Variants in HEMGN observed in about 807,000 individuals in gnomAD.
HEMGN encodes hemogen, also known as erythroid differentiation-associated gene protein.
Under a neutral mutation model 45.7 loss-of-function variants are expected in HEMGN, and 32 were observed. That is an observed-to-expected ratio of 0.70 (90% CI 0.53 to 0.94). The LOEUF is 0.94. Ranked by LOEUF, HEMGN falls within the 40% of genes least tolerant of loss-of-function variation. The pLI, the probability that HEMGN is intolerant of heterozygous loss-of-function variation, is 0.00. For synonymous variants in HEMGN, 183 were observed against 178.6 expected, an observed-to-expected ratio of 1.02 and a Z score of -0.20; for missense variants, 530 against 564.2, an observed-to-expected ratio of 0.94 and a Z score of 0.61.
intron 1 of HEMGN, among the ~76,000 whole-genome samples, chr9:97,944,261 A>G (rs1827191921): frequency 5.3e-5 from 8 of 152,196 alleles, no homozygotes; most frequent in Admixed American, 2.0e-4. Flanking sequence ...ACTAAAAGCA[A>G]ATATATGTTC....
upstream of HEMGN, among the ~76,000 whole-genome samples, chr9:97,941,116 A>G (rs944826274): frequency 5.3e-5 from 8 of 152,160 alleles, no homozygotes; most frequent in African/African-American, 1.9e-4. Context: ...CTTTGGAGAA[A>G]ACTGAGCTGG....
At chr9:97,937,894 T>A (rs1349319724) in intron 1 of HEMGN, among the ~76,000 whole-genome samples, 164 bp downstream of exon 1, 1 of 152,092 alleles carries the variant, frequency 6.6e-6, no homozygotes, top group Non-Finnish European at 1.5e-5. Context: ...ATGAATCCAC[T>A]TGTTTTACCA....
chr9:97,936,387 C>A, intron 1 of HEMGN, 123 bp from the exon 2 acceptor site: 1 of 679,602 alleles, frequency 1.5e-6, no homozygotes. Flanking sequence ...AGGACAAGGA[C>A]TGCATCTCAT....
upstream of HEMGN, chr9:97,938,173 TC>T (rs755376327): frequency 2.2e-6 from 3 of 1,357,788 alleles, no homozygotes; most frequent in South Asian, 3.6e-5. Flanking sequence ...TGGTCTGACT[TC>T]CACAAGCAGC....
At chr9:97,934,982 A>G (rs1464118883) in intron 2 of HEMGN, among the ~76,000 whole-genome samples, 1 of 152,186 alleles carries the variant, frequency 6.6e-6, no homozygotes, top group Non-Finnish European at 1.5e-5. Flanking sequence ...AGAGCTGCGC[A>G]AGGCTGGTGT....
chr9:97,930,571 TC>T lies in HEMGN; in HGVS notation c.823del (p.Asp275ThrfsTer17). The part of the protein sequence containing the change: ...DVPKGYILDT[D>X]QNPAEPEEYN... ...TTCCTCTGGTTCTGCTGGATTTTGG[TC>T]TGTGTCAAGAATATAGCCTTTAGGC... On this transcript the variant is annotated frameshift_variant, in exon 3 of 4. Coordinates refer to ENST00000616898, the MANE Select transcript of HEMGN (RefSeq NM_197978.3). LOFTEE classifies it high-confidence loss of function. 3 of 1,614,202 alleles carry T rather than the reference TC, an allele frequency of 1.9e-6. No homozygotes were observed. The South Asian group carries it at 3.3e-5, about 18-fold the overall frequency.
In HEMGN at chr9:97,928,048, C is replaced by A. The variant is rs894965334; in HGVS notation, c.1361-570G>T. Among the ~76,000 whole-genome samples the A allele has an allele frequency of 5.0e-5, 7 of 140,162 alleles. No individual in the cohort carries two copies. The South Asian group carries it at 1.5e-3, about 31-fold the overall frequency. The allele number at this position is 140,162 out of a possible 152,430, so 92.0% of individuals were successfully genotyped here. The stretch of plus-strand genomic sequence containing the variant: ...GTATTTTTTTTTTTTTTTTTTTGAG[C>A]CGGAGTCTCGCTCTGTCGCCCAGGC... On this transcript the variant is annotated intron_variant, in intron 3 of 3. Coordinates refer to ENST00000616898, the MANE Select transcript of HEMGN (RefSeq NM_197978.3).
At chr9:97,929,285 TAG>T (rs1438621166) in intron 3 of HEMGN, among the ~76,000 whole-genome samples, 1 of 152,238 alleles carries the variant, frequency 6.6e-6, no homozygotes, top group Non-Finnish European at 1.5e-5. Flanking sequence ...GGAAACCAAC[TAG>T]CACCATGTTT....
upstream of HEMGN, among the ~76,000 whole-genome samples, chr9:97,941,227 T>TG (rs1827147282): frequency 6.6e-6 from 1 of 151,928 alleles, no homozygotes; most frequent in Admixed American, 6.6e-5. Context: ...ACAGAACTGA[T>TG]GGAGGTGAGA....
Position 97,930,287 on chromosome 9 carries a change from T to G in HEMGN, c.1108A>C (p.Thr370Pro). 1 of 1,614,144 alleles carries G rather than the reference T, an allele frequency of 6.2e-7. No homozygotes were observed. The highest frequency in any genetic ancestry group is 1.3e-5 in the African/African-American group (1 of 75,046). Reference sequence around the variant, plus strand: ...TCAAGCCCAGGTATTTCTTGATACGTTTCAGGTGAATATTTTTCAGACCCA... The same window carrying G: ...TCAAGCCCAGGTATTTCTTGATACGGTTCAGGTGAATATTTTTCAGACCCA... Reference protein sequence around the residue: ...TPGSEKYSPETYQEIPGLEEY... With the variant: ...TPGSEKYSPEPYQEIPGLEEY... Residue 370 changes from threonine (T) to proline (P), a missense_variant, in exon 3 of 4, where the codon ACG becomes CCG. Coordinates refer to ENST00000616898, the MANE Select transcript of HEMGN (RefSeq NM_197978.3).
Position 97,934,657 on chromosome 9 carries a change from T to TA in HEMGN, c.173+1513dup, listed in dbSNP as rs535030814. Among the ~76,000 whole-genome samples the TA allele has an allele frequency of 4.1e-4, 62 of 152,212 alleles. No individual in the cohort carries two copies. In the South Asian group the frequency reaches 5.4e-3, roughly 13 times the overall value. On this transcript the variant is annotated intron_variant, in intron 2 of 3. Transcript: ENST00000616898. Reference sequence around the variant, plus strand: ...TACTGTAAAATGATACACGTGTTCCTAAAAAAACCTCACTTTCTGCAAAAT... The same window carrying TA: ...TACTGTAAAATGATACACGTGTTCCTAAAAAAAACCTCACTTTCTGCAAAAT...
In HEMGN at chr9:97,936,178, G is replaced by A. The variant is rs1258480500; in HGVS notation, c.166C>T (p.Leu56=). 6 of 1,606,610 alleles carry A rather than the reference G, an allele frequency of 3.7e-6. No homozygotes were observed. The South Asian group carries it at 6.6e-5, about 18-fold the overall frequency. ...CTTGTGATGCTACCATACCCAAATA[G>A]CCATTGTGATGTTTCCTTTTCATGC... The part of the protein sequence containing the change: ...EVHEKETSQW[L]FGEQKKRKQQ... Residue 56 remains leucine (L), a synonymous_variant, in exon 2 of 4, where the codon CTA becomes TTA. Coordinates refer to ENST00000616898, the MANE Select transcript of HEMGN (RefSeq NM_197978.3).
intron 1 of HEMGN, 76 bp from the exon 2 acceptor site, chr9:97,936,340 C>T (rs780925049): frequency 3.0e-5 from 29 of 961,746 alleles, no homozygotes; most frequent in Non-Finnish European, 4.8e-5. Context: ...AGCCAAGTGG[C>T]AGAGTCTCTG....
At chr9:97,941,078 T>C (rs753386512), upstream of HEMGN, among the ~76,000 whole-genome samples, 4 of 152,052 alleles carry the variant, frequency 2.6e-5, no homozygotes, top group Non-Finnish European at 5.9e-5. Context: ...ATAAATAAAA[T>C]ATATAATGTG....
chr9:97,930,184 C>T lies in HEMGN; in HGVS notation c.1211G>A (p.Gly404Glu). The change falls in exon 3 of 4, where the codon GGG becomes GAG. Residue 404 changes from glycine to glutamate, a missense_variant. Physicochemically the swap from Gly to Glu is moderately conservative, Grantham distance 98. Coordinates refer to ENST00000616898, the MANE Select transcript of HEMGN (RefSeq NM_197978.3). ...YSPEIYQETP[G>E]PEDLSTETYK... ...TGTCTCAGTAGAGAGGTCTTCAGGC[C>T]CCGGTGTTTCTTGGTATATTTCAGG... 1 of 1,613,832 alleles carries T rather than the reference C, an allele frequency of 6.2e-7. No individual in the cohort carries two copies. Among genetic ancestry groups the T allele is most frequent in the Non-Finnish European group, 8.5e-7 (1 of 1,179,958 alleles).
chr9:97,929,204 G>A (rs532820179), intron 3 of HEMGN, among the ~76,000 whole-genome samples: 11 of 152,324 alleles, frequency 7.2e-5, no homozygotes, highest in African/African-American at 2.2e-4. Flanking sequence ...GTCAGTGCAC[G>A]TACTGCTTCA....
At chr9:97,935,049 A>G (rs1035489675) in intron 2 of HEMGN, among the ~76,000 whole-genome samples, 16 of 152,220 alleles carry the variant, frequency 1.1e-4, no homozygotes, top group Non-Finnish European at 2.1e-4. Context: ...CTGCTTATAC[A>G]ACAGCCAAGC....
upstream of HEMGN, among the ~76,000 whole-genome samples, chr9:97,940,833 C>T (rs1350355795): frequency 1.3e-5 from 2 of 152,128 alleles, no homozygotes; most frequent in South Asian, 2.1e-4. Context: ...TCCCCATAAT[C>T]GCCCTCACTC....
chr9:97,943,889 C>A (rs1827185784), intron 1 of HEMGN, among the ~76,000 whole-genome samples: 1 of 152,060 alleles, frequency 6.6e-6, no homozygotes, highest in South Asian at 2.1e-4. Flanking sequence ...GACCTCTCTG[C>A]AGCTTATAAT....
Sources: gnomAD v4.1 joint callset for allele counts (sites outside exome capture counted in the v4.1 genomes callset) on GRCh38, gnomAD v4.1.1 for gene constraint, MANE v1.5 for transcripts, NCBI Gene and HGNC (gene_info 2026-07-23, HGNC 2026-07-21) for gene names.